The following DAPP1 variants were observed in gnomAD, a reference collection of about 807,000 sequenced individuals.
The protein encoded by DAPP1 is dual adaptor of phosphotyrosine and 3-phosphoinositides 1.
Under a neutral mutation model 41.5 loss-of-function variants are expected in DAPP1, and 20 were observed. The ratio of observed to expected loss-of-function variants is 0.48; its 90% CI spans 0.34 to 0.70. The LOEUF (loss-of-function observed/expected upper bound fraction) is 0.70. DAPP1 is among the 30% of genes least tolerant of loss of function. The pLI, the probability that DAPP1 is intolerant of heterozygous loss-of-function variation, is 0.01. For missense variants in DAPP1, 233 were observed against 333.4 expected, an observed-to-expected ratio of 0.70 and a Z score of 2.35; for synonymous variants, 113 against 116.2, an observed-to-expected ratio of 0.97 and a Z score of 0.18.
rs531357244 is a variant in DAPP1, at chr4:99,850,148, G to A, written c.359-3070G>A. ...AATTAGGCCAGGCACAGTGGCTCAC[G>A]CCTGTAATCCCAACACTTTGGGAGG... On this transcript the variant is annotated intron_variant, in intron 3 of 8. Transcript: ENST00000512369. Among the ~76,000 whole-genome samples, 10 of 152,312 alleles carry A rather than the reference G, an allele frequency of 6.6e-5. No homozygotes were observed. In the East Asian group the frequency reaches 7.7e-4, roughly 12 times the overall value.
At chr4:99,858,519 A>G (rs1281538709) in intron 4 of DAPP1, among the ~76,000 whole-genome samples, 2 of 152,166 alleles carry the variant, frequency 1.3e-5, no homozygotes, top group Non-Finnish European at 2.9e-5. Flanking sequence ...TCTTCACTCT[A>G]AAGTCACCAT....
intron 4 of DAPP1, among the ~76,000 whole-genome samples, chr4:99,855,617 C>CA (rs923859808): frequency 1.3e-5 from 2 of 151,710 alleles, no homozygotes; most frequent in Non-Finnish European, 2.9e-5. Flanking sequence ...TCACTATGGA[C>CA]AAAAAAAATG....
chr4:99,848,292 A>G (rs1723739595), intron 3 of DAPP1, among the ~76,000 whole-genome samples: 1 of 149,370 alleles, frequency 6.7e-6, no homozygotes, highest in Admixed American at 6.7e-5. Context: ...CAGTGGCACG[A>G]TCTCGGCTCA....
intron 2 of DAPP1, among the ~76,000 whole-genome samples, chr4:99,836,188 A>C (rs995858402): frequency 1.3e-5 from 2 of 152,184 alleles, no homozygotes; most frequent in African/African-American, 4.8e-5. Context: ...TACATGTTTA[A>C]AATTTTTCCT....
Position 99,869,355 on chromosome 4 carries a change from CT to C in DAPP1, c.*1176del, listed in dbSNP as rs924119393. On this transcript the variant is annotated 3_prime_UTR_variant, in exon 9 of 9. Transcript: ENST00000512369. ...GGCAGAATCTAACCCCTTCTGTTAT[CT>C]TTTTTAATACTATTTTTGTTTAGAT... 6.6e-6 allele frequency: 1 copy of C among 152,046 alleles called. No homozygotes were observed. Among genetic ancestry groups the C allele is most frequent in the African/African-American group, 2.4e-5 (1 of 41,388 alleles). The allele number at this position is 152,046 out of a possible 1,614,324, so 9.4% of individuals were successfully genotyped here.
At chr4:99,824,424 T>G (rs911820750) in intron 1 of DAPP1, among the ~76,000 whole-genome samples, 1 of 152,234 alleles carries the variant, frequency 6.6e-6, no homozygotes, top group Non-Finnish European at 1.5e-5. Context: ...TCAGTCCCCT[T>G]ATGCCCAGTG....
Position 99,870,157 on chromosome 4 carries a change from A to G in DAPP1, c.*1972A>G, listed in dbSNP as rs1025995512. 2 of 152,090 alleles carry G rather than the reference A, an allele frequency of 1.3e-5. No homozygotes were observed. The highest frequency in any genetic ancestry group is 1.3e-4 in the Admixed American group (2 of 15,266). The allele number at this position is 152,090 out of a possible 1,614,324, so 9.4% of individuals were successfully genotyped here. ...TTTGCTGTGCATGTACCATTTTGCT[A>G]TTAAAATTTATTTTTAATATTTGTA... On this transcript the variant is annotated 3_prime_UTR_variant, in exon 9 of 9. Transcript: ENST00000512369.
intron 2 of DAPP1, among the ~76,000 whole-genome samples, chr4:99,836,809 C>T (rs1370739077): frequency 6.6e-6 from 1 of 152,232 alleles, no homozygotes; most frequent in Non-Finnish European, 1.5e-5. Flanking sequence ...GATTATCTCA[C>T]AGTTTCTGGC....
At chr4:99,830,331 C>T (rs368883078) in intron 1 of DAPP1, among the ~76,000 whole-genome samples, 5 of 151,744 alleles carry the variant, frequency 3.3e-5, no homozygotes, top group East Asian at 1.9e-4. Flanking sequence ...TGCAGTGAGC[C>T]AAGATCATAC....
chr4:99,865,076 C>G (rs1301944255), intron 7 of DAPP1: 1 of 152,270 alleles, frequency 6.6e-6, no homozygotes, highest in Non-Finnish European at 1.5e-5. Context: ...GTATCACTCC[C>G]TCCCCACCAC....
At chr4:99,858,205 A>C (rs996929170) in intron 4 of DAPP1, among the ~76,000 whole-genome samples, 5 of 152,240 alleles carry the variant, frequency 3.3e-5, no homozygotes, top group African/African-American at 1.2e-4. Flanking sequence ...GTCCTCAAGC[A>C]CAAGTTGCAC....
chr4:99,865,228 G>T (rs1207603144), intron 7 of DAPP1: 2 of 152,084 alleles, frequency 1.3e-5, no homozygotes, highest in Non-Finnish European at 2.9e-5. Context: ...CCTTCTGAAG[G>T]CTTTTTCACA....
At chr4:99,825,669 T>C (rs1008093342) in intron 1 of DAPP1, among the ~76,000 whole-genome samples, 2 of 152,216 alleles carry the variant, frequency 1.3e-5, no homozygotes, top group East Asian at 3.8e-4. Context: ...GGAGAGACTC[T>C]AGAGAATCTT....
intron 1 of DAPP1, among the ~76,000 whole-genome samples, chr4:99,822,273 T>C (rs1019995487): frequency 6.6e-6 from 1 of 152,158 alleles, no homozygotes; most frequent in Non-Finnish European, 1.5e-5. Flanking sequence ...TTCTACTGGG[T>C]CATAGATCTA....
intron 1 of DAPP1, among the ~76,000 whole-genome samples, chr4:99,825,240 T>C (rs751188296): frequency 2.0e-5 from 3 of 152,164 alleles, no homozygotes; most frequent in African/African-American, 4.8e-5. Flanking sequence ...TGTCTGCAGC[T>C]CTTTGACTTT....
At chr4:99,859,708 G>T in intron 4 of DAPP1, among the ~76,000 whole-genome samples, 1 of 152,144 alleles carries the variant, frequency 6.6e-6, no homozygotes, top group East Asian at 1.9e-4. Flanking sequence ...ATGCTTCAAT[G>T]CTCAGTTCCA....
In DAPP1 at chr4:99,853,554, G is replaced by A. The variant is rs560369500; in HGVS notation, c.489+206G>A. Reference sequence around the variant, plus strand: ...AATTACAATGCAGCCAGACATGGTGGTTCATGCCTGTAATCCCAACATTTT... The same window carrying A: ...AATTACAATGCAGCCAGACATGGTGATTCATGCCTGTAATCCCAACATTTT... On this transcript the variant is annotated intron_variant, in intron 4 of 8. Coordinates refer to ENST00000512369, the MANE Select transcript of DAPP1 (RefSeq NM_014395.3). 5.3e-5 allele frequency among the ~76,000 whole-genome samples: 8 copies of A among 152,316 alleles called. No individual in the cohort carries two copies. In the South Asian group the frequency reaches 1.7e-3, roughly 32 times the overall value.
chr4:99,820,367 A>G (rs1375250662), intron 1 of DAPP1, among the ~76,000 whole-genome samples: 2 of 152,166 alleles, frequency 1.3e-5, no homozygotes, highest in East Asian at 3.9e-4. Flanking sequence ...AAAGGTTACT[A>G]TACTATTTCT....
chr4:99,837,047 A>G (rs578137781), intron 2 of DAPP1, among the ~76,000 whole-genome samples: 1 of 152,280 alleles, frequency 6.6e-6, no homozygotes, highest in Admixed American at 6.5e-5. Flanking sequence ...GCCACATGGC[A>G]CCCATGGCTG....
Sources: allele counts gnomAD v4.1 joint callset (sites outside exome capture counted in the v4.1 genomes callset), GRCh38; gene constraint gnomAD v4.1.1; transcripts MANE v1.5; gene names NCBI Gene and HGNC (gene_info 2026-07-23, HGNC 2026-07-21).